The following SLC12A7 variants were observed in gnomAD, a reference collection of about 807,000 sequenced individuals.
SLC12A7 encodes K-Cl cotransporter 4.
In SLC12A7, 100 loss-of-function variants were observed where a neutral mutation model predicts 120.6. That is an observed-to-expected ratio of 0.83 (90% CI 0.71 to 0.98). The LOEUF (loss-of-function observed/expected upper bound fraction) is 0.98. Ranked by LOEUF, SLC12A7 falls within the 50% of genes least tolerant of loss-of-function variation. The pLI is 0.00. For missense variants in SLC12A7, 1,373 were observed against 1,548.1 expected, an observed-to-expected ratio of 0.89 and a Z score of 1.90; for synonymous variants, 760 against 678.0, an observed-to-expected ratio of 1.12 and a Z score of -1.88.
intron 9 of SLC12A7, among the ~76,000 whole-genome samples, chr5:1,080,764 G>T (rs961598454): frequency 1.3e-5 from 2 of 152,252 alleles, no homozygotes; most frequent in African/African-American, 4.8e-5. Flanking sequence ...AGAGGGCCGA[G>T]GTCCCCGGCC....
chr5:1,152,260 T>TGG, the SLC12A7 span, among the ~76,000 whole-genome samples: 254 of 152,316 alleles, frequency 1.7e-3, 2 homozygotes, highest in Non-Finnish European at 2.8e-3. Context: ...CCACCCACCC[T>TGG]TGTGCCCACG....
chr5:1,066,496 C>G (rs1023872816), intron 17 of SLC12A7, among the ~76,000 whole-genome samples: 9 of 152,118 alleles, frequency 5.9e-5, no homozygotes, highest in African/African-American at 2.2e-4. Flanking sequence ...AATTTTAGGG[C>G]CGAGAGCTCA....
chr5:1,136,267 C>A, the SLC12A7 span, among the ~76,000 whole-genome samples: 1 of 131,220 alleles, frequency 7.6e-6, no homozygotes, highest in African/African-American at 3.4e-5. Flanking sequence ...AATCACGACT[C>A]CTCCTGACAC....
At chr5:1,135,949 T>C in the SLC12A7 span, among the ~76,000 whole-genome samples, 1 of 152,156 alleles carries the variant, frequency 6.6e-6, no homozygotes, top group Non-Finnish European at 1.5e-5. Flanking sequence ...CCCACAGAAA[T>C]GGTGGCCTCG....
chr5:1,067,267 C>A (rs1737155151), intron 17 of SLC12A7, among the ~76,000 whole-genome samples: 1 of 152,220 alleles, frequency 6.6e-6, no homozygotes, highest in Non-Finnish European at 1.5e-5. Context: ...GGGGCACCAG[C>A]CAGCAAGCGG....
chr5:1,076,898 G>C, intron 12 of SLC12A7, 86 bp from the exon 13 acceptor site: 1 of 892,964 alleles, frequency 1.1e-6, no homozygotes, highest in Admixed American at 1.7e-5. Flanking sequence ...TAGCCCAGAT[G>C]AATCTTAAAG....
chr5:1,112,263 G>T (rs902438333), upstream of SLC12A7, among the ~76,000 whole-genome samples: 1 of 150,756 alleles, frequency 6.6e-6, no homozygotes, highest in Non-Finnish European at 1.5e-5. Context: ...CGCAGAGCCC[G>T]CGAATCCCCG....
the SLC12A7 span, among the ~76,000 whole-genome samples, chr5:1,136,122 G>A: frequency 6.6e-5 from 10 of 152,280 alleles, no homozygotes; most frequent in African/African-American, 2.2e-4. Context: ...AGGAGACTGC[G>A]GAGAGGCCAC....
intron 22 of SLC12A7, chr5:1,056,618 G>C (rs965313966): frequency 3.0e-6 from 3 of 983,818 alleles, no homozygotes; most frequent in African/African-American, 3.5e-5. Context: ...AAAAAAACAA[G>C]AGTGTGTTAC....
At chr5:1,073,573 A>G (rs1051080768) in intron 17 of SLC12A7, 60 bp downstream of exon 17, 34 of 1,526,712 alleles carry the variant, frequency 2.2e-5, no homozygotes, top group Middle Eastern at 1.9e-4. Flanking sequence ...ATGCCAGGGC[A>G]CGTTTCCTGT....
chr5:1,081,021 C>CAG (rs1204887395), intron 9 of SLC12A7, among the ~76,000 whole-genome samples: 2 of 140,944 alleles, frequency 1.4e-5, no homozygotes, highest in South Asian at 2.2e-4. Context: ...GACAGACAGA[C>CAG]AGAGAGAGAG....
chr5:1,075,872 A>C, intron 14 of SLC12A7: 1 of 524,640 alleles, frequency 1.9e-6, no homozygotes, highest in African/African-American at 1.9e-5. Context: ...CACGGGAGGT[A>C]CAAGGCACAT....
At chr5:1,136,387 CGT>C in the SLC12A7 span, among the ~76,000 whole-genome samples, 2,156 of 146,198 alleles carry the variant, frequency 0.015, 16 homozygotes, top group East Asian at 0.03. Flanking sequence ...CGCAGACACA[CGT>C]GTGCTCAGAC....
chr5:1,154,390 C>CACACACACACAG, the SLC12A7 span, among the ~76,000 whole-genome samples: 204 of 151,262 alleles, frequency 1.3e-3, no homozygotes, highest in Admixed American at 4.7e-3. Context: ...CACACACACA[C>CACACACACACAG]AGAGACACAT....
chr5:1,084,920 G>A (rs981791821), intron 7 of SLC12A7, among the ~76,000 whole-genome samples: 1 of 152,132 alleles, frequency 6.6e-6, no homozygotes, highest in Non-Finnish European at 1.5e-5. Context: ...CCACACCCAT[G>A]ACGCTCACTG....
chr5:1,095,581 T>C (rs1741048096), intron 1 of SLC12A7, among the ~76,000 whole-genome samples: 1 of 152,142 alleles, frequency 6.6e-6, no homozygotes. Flanking sequence ...CAGAATGGTG[T>C]GGGACCCTGA....
chr5:1,085,148 G>C, intron 7 of SLC12A7, 84 bp downstream of exon 7: 3 of 1,549,032 alleles, frequency 1.9e-6, no homozygotes, highest in Non-Finnish European at 2.6e-6. Flanking sequence ...CGGCGTCAAG[G>C]ATGATGGACG....
At chr5:1,143,638 C>T in the SLC12A7 span, among the ~76,000 whole-genome samples, 2 of 152,190 alleles carry the variant, frequency 1.3e-5, no homozygotes, top group African/African-American at 2.4e-5. Context: ...GTCCTGCATG[C>T]GCCTCCACTG....
the SLC12A7 span, among the ~76,000 whole-genome samples, chr5:1,124,226 G>T: frequency 6.6e-6 from 1 of 152,224 alleles, no homozygotes; most frequent in Non-Finnish European, 1.5e-5. Flanking sequence ...ATAGAGATCA[G>T]CGCCCACAAG....
Sources: allele counts gnomAD v4.1 joint callset (sites outside exome capture counted in the v4.1 genomes callset), GRCh38; gene constraint gnomAD v4.1.1; transcripts MANE v1.5; gene names NCBI Gene and HGNC (gene_info 2026-07-23, HGNC 2026-07-21).